Variants in SMC2 observed in about 807,000 individuals in gnomAD.
SMC2 encodes the protein structural maintenance of chromosomes 2.
Under a neutral mutation model 142.6 loss-of-function variants are expected in SMC2, and 41 were observed. The ratio of observed to expected loss-of-function variants is 0.29; its 90% confidence interval spans 0.22 to 0.37. SMC2 has a LOEUF of 0.37. Ranked by LOEUF, SMC2 falls within the 10% of genes least tolerant of loss-of-function variation. SMC2 has a pLI of 1.00. For missense variants in SMC2, 1,265 were observed against 1,373.7 expected, an observed-to-expected ratio of 0.92 and a Z score of 1.25; for synonymous variants, 463 against 457.5, an observed-to-expected ratio of 1.01 and a Z score of -0.15.
chr9:104,096,772 G>T (rs1304300413), intron 3 of SMC2, among the ~76,000 whole-genome samples: 1 of 152,172 alleles, frequency 6.6e-6, no homozygotes, highest in Non-Finnish European at 1.5e-5. Context: ...TAAGTGATGT[G>T]CAAGTATATG....
chr9:104,115,576 CTG>C (rs1463762177), intron 13 of SMC2, among the ~76,000 whole-genome samples: 1 of 149,998 alleles, frequency 6.7e-6, no homozygotes, highest in Non-Finnish European at 1.5e-5. Context: ...CAGAGGAAGA[CTG>C]TATCTCAAAA....
chr9:104,113,835 G>C, intron 11 of SMC2, 129 bp from the exon 12 acceptor site: 1 of 601,000 alleles, frequency 1.7e-6, no homozygotes, highest in South Asian at 2.8e-5. Context: ...GGTTCAGCAT[G>C]CTTTTTTAAT....
chr9:104,098,012 G>A (rs571013946), intron 3 of SMC2, among the ~76,000 whole-genome samples: 11 of 152,160 alleles, frequency 7.2e-5, no homozygotes, highest in African/African-American at 2.2e-4. Context: ...CATAAATCAT[G>A]TCTTTATTAA....
At chr9:104,101,686 T>C (rs1375436009) in intron 7 of SMC2, among the ~76,000 whole-genome samples, 1 of 152,184 alleles carries the variant, frequency 6.6e-6, no homozygotes, top group Non-Finnish European at 1.5e-5. Context: ...GTGTGTAAGC[T>C]TATGAACCTT....
Position 104,098,549 on chromosome 9 carries a change from C to G in SMC2, c.422C>G (p.Pro141Arg). The part of the protein sequence containing the change: ...FCSVGLNVNN[P>R]HFLIMQGRIT... ...TCTGTTGGCCTTAATGTTAACAACC[C>G]TCACTTTCTCATCATGCAGGTATTT... is the stretch of plus-strand genomic sequence containing the variant. Residue 141 changes from proline (P) to arginine (R), a missense_variant, in exon 4 of 25, where the codon CCT becomes CGT. By Grantham distance (103) the Pro-to-Arg change is moderately radical. Around this residue, in one of 4 missense-constraint regions of SMC2, gnomAD observed 168 missense variants for 184.8 expected, o/e 0.91. Transcript: ENST00000374793. 1 of 1,589,888 alleles carries G rather than the reference C, an allele frequency of 6.3e-7. No homozygotes were observed. Among genetic ancestry groups the G allele is most frequent in the Non-Finnish European group, 8.5e-7 (1 of 1,171,376 alleles).
At position 104,118,385 on chromosome 9, in the gene SMC2, A is replaced by AGG; in HGVS notation, c.1996+10_1996+11insGG. ...GGGACATTGAGTGGAGGTAAGTTTT[A>AGG]TATCCTTTTCTCCTCACAATTCTTT... On this transcript the variant is annotated intron_variant, in intron 15 of 24. Coordinates refer to ENST00000374793, the MANE Select transcript of SMC2 (RefSeq NM_006444.3). The AGG allele has an allele frequency of 6.2e-7, 1 of 1,605,868 alleles. No homozygotes were observed. Among genetic ancestry groups the AGG allele is most frequent in the Non-Finnish European group, 8.5e-7 (1 of 1,173,976 alleles).
intron 9 of SMC2, among the ~76,000 whole-genome samples, chr9:104,104,068 A>G (rs1235385938): frequency 2.0e-5 from 3 of 152,028 alleles, no homozygotes; most frequent in Non-Finnish European, 4.4e-5. Flanking sequence ...TTATTCTTCT[A>G]GATCTCTTAA....
chr9:104,119,165 A>G (rs1356269388), intron 15 of SMC2, among the ~76,000 whole-genome samples: 1 of 152,196 alleles, frequency 6.6e-6, no homozygotes, highest in Non-Finnish European at 1.5e-5. Flanking sequence ...TAGGTATCAG[A>G]TTCTCCAGTA....
intron 16 of SMC2, 47 bp from the exon 17 acceptor site, chr9:104,123,061 T>C: frequency 6.3e-7 from 1 of 1,575,186 alleles, no homozygotes; most frequent in Non-Finnish European, 8.6e-7. Context: ...ATTTCTCAAA[T>C]ACCAGAAAAA....
chr9:104,089,654 A>G (rs573889639), upstream of SMC2, among the ~76,000 whole-genome samples: 1 of 152,250 alleles, frequency 6.6e-6, no homozygotes, highest in Admixed American at 6.5e-5. Context: ...TGAGTAGTAC[A>G]TGAAAATTTT....
intron 23 of SMC2, 90 bp from the exon 24 acceptor site, chr9:104,137,928 A>G (rs2131581768): frequency 3.4e-6 from 3 of 882,030 alleles, no homozygotes; most frequent in Middle Eastern, 2.5e-4. Context: ...AATCTGCTCT[A>G]TTCACAATAA....
chr9:104,102,333 TA>T (rs1260356036), intron 8 of SMC2, 90 bp from the exon 9 acceptor site: 6 of 1,266,196 alleles, frequency 4.7e-6, no homozygotes, highest in African/African-American at 1.5e-5. Context: ...AAATAACTTA[TA>T]AAAAAGTGTT....
intron 7 of SMC2, among the ~76,000 whole-genome samples, 198 bp downstream of exon 7, chr9:104,100,631 G>T (rs555758208): frequency 6.6e-6 from 1 of 152,244 alleles, no homozygotes; most frequent in Admixed American, 6.5e-5. Flanking sequence ...TAGGATATTG[G>T]AGAGTAATTT....
At position 104,121,263 on chromosome 9, in the gene SMC2, C is replaced by T. The variant is rs554773483; in HGVS notation, c.2132+1101C>T. On this transcript the variant is annotated intron_variant, in intron 16 of 24. Transcript: ENST00000374793. ...ATCGCAGCACTTTGGGAGGCTGAGGCGGGTGGATCGCTTGAGCTCAGGAGT... is the reference window on the plus strand; with the variant it reads ...ATCGCAGCACTTTGGGAGGCTGAGGTGGGTGGATCGCTTGAGCTCAGGAGT... 7.2e-5 allele frequency among the ~76,000 whole-genome samples: 11 copies of T among 152,120 alleles called. No individual in the cohort carries two copies. The South Asian group carries it at 8.3e-4, about 11-fold the overall frequency.
At chr9:104,096,594 A>G (rs1830465719) in intron 3 of SMC2, among the ~76,000 whole-genome samples, 1 of 152,226 alleles carries the variant, frequency 6.6e-6, no homozygotes, top group African/African-American at 2.4e-5. Flanking sequence ...TGTGTACTTG[A>G]GATCTTTCAA....
chr9:104,099,608 TTTG>T (rs756722656), intron 4 of SMC2, 33 bp from the exon 5 acceptor site: 2 of 1,349,366 alleles, frequency 1.5e-6, no homozygotes, highest in Non-Finnish European at 2.1e-6. Context: ...TTTTCTGTAA[TTTG>T]TTATCTTAGT....
intron 18 of SMC2, among the ~76,000 whole-genome samples, chr9:104,125,733 T>G (rs1777309536): frequency 6.6e-6 from 1 of 152,186 alleles, no homozygotes; most frequent in South Asian, 2.1e-4. Flanking sequence ...ATTTACAAGG[T>G]GTCATTCAGT....
In SMC2 at chr9:104,120,152, A is replaced by G. The variant is rs751204383; in HGVS notation, c.2122A>G (p.Thr708Ala). Residue 708 changes from threonine to alanine, a missense_variant, in exon 16 of 25, where the codon ACT (threonine) becomes GCT (alanine). Coordinates refer to ENST00000374793, the MANE Select transcript of SMC2 (RefSeq NM_006444.3). ...AGAGGAATTAGCAGGTCTTAAAAAC[A>G]CTGCTGAAAAGTAAGAACTGCATAT... Reference protein sequence around the residue: ...LEEELAGLKNTAEKYRQLKQQ... With the variant: ...LEEELAGLKNAAEKYRQLKQQ... The G allele has an allele frequency of 3.1e-6, 5 of 1,607,612 alleles. No individual in the cohort carries two copies. In the East Asian group the frequency reaches 1.1e-4, roughly 36 times the overall value.
intron 19 of SMC2, among the ~76,000 whole-genome samples, chr9:104,127,027 G>T (rs931729477): frequency 1.3e-5 from 2 of 151,884 alleles, no homozygotes; most frequent in African/African-American, 4.8e-5. Context: ...AACAAAAAAC[G>T]CTCTCATTTG....
Sources: gnomAD v4.1 joint callset for allele counts (sites outside exome capture counted in the v4.1 genomes callset) on GRCh38, gnomAD v4.1.1 for gene constraint, gnomAD v4.1.1 regional missense constraint, MANE v1.5 for transcripts, NCBI Gene and HGNC (gene_info 2026-07-23, HGNC 2026-07-21) for gene names.